Variants in CNKSR2 observed in about 807,000 individuals in gnomAD.
The protein encoded by CNKSR2 is CNK homolog protein 2.
CNKSR2 carries 14 observed loss-of-function variants against 84.4 expected under a neutral mutation model. The ratio of observed to expected loss-of-function variants is 0.17; its 90% CI spans 0.11 to 0.26. The LOEUF is 0.26. CNKSR2 is among the 10% of genes least tolerant of loss of function. The pLI, the probability that CNKSR2 is intolerant of heterozygous loss-of-function variation, is 1.00. For missense variants in CNKSR2, 485 were observed against 771.2 expected (o/e 0.63, Z 4.40); for synonymous variants, 275 against 277.9 (o/e 0.99, Z 0.10).
intron 19 of CNKSR2, 36 bp from the exon 20 acceptor site, chrX:21,609,035 T>C (rs1336197394): frequency 4.3e-6 from 5 of 1,164,540 alleles, no homozygotes; most frequent in Non-Finnish European, 5.7e-6. Flanking sequence ...TGGTCTGTTA[T>C]TTTGGCACAG....
intron 1 of CNKSR2, among the ~76,000 whole-genome samples, chrX:21,399,092 GTATT>G (rs765913849): frequency 1.8e-3 from 201 of 110,373 alleles, no homozygotes; most frequent in Non-Finnish European, 2.7e-3. Context: ...TATATCTAAA[GTATT>G]TATGCAATTA....
At chrX:21,406,775 G>A (rs2090269921) in intron 1 of CNKSR2, among the ~76,000 whole-genome samples, 1 of 111,462 alleles carries the variant, frequency 9.0e-6, no homozygotes, top group Non-Finnish European at 1.9e-5. Flanking sequence ...TTAGTTTGTA[G>A]AAATCATGAT....
intron 13 of CNKSR2, among the ~76,000 whole-genome samples, chrX:21,563,685 G>A (rs774785620): frequency 6.6e-4 from 74 of 111,599 alleles, no homozygotes; most frequent in Non-Finnish European, 3.6e-4. Context: ...AACTTAATAT[G>A]CACAAAATTG....
chrX:21,474,843 T>G (rs1281191292), intron 5 of CNKSR2, among the ~76,000 whole-genome samples: 1 of 111,943 alleles, frequency 8.9e-6, no homozygotes, highest in Non-Finnish European at 1.9e-5. Context: ...AACATAACTT[T>G]TGTGTAAAAA....
At chrX:21,409,797 C>T (rs1000209380) in intron 1 of CNKSR2, among the ~76,000 whole-genome samples, 1 of 110,609 alleles carries the variant, frequency 9.0e-6, no homozygotes, top group African/African-American at 3.3e-5. Context: ...TCTAAGTATC[C>T]ATAAAACATG....
intron 21 of CNKSR2, among the ~76,000 whole-genome samples, chrX:21,652,024 G>C (rs1374161160): frequency 2.7e-5 from 3 of 112,194 alleles, no homozygotes; most frequent in African/African-American, 9.7e-5. Context: ...GAAGAAATGA[G>C]AGGCTTTTGA....
At chrX:21,599,171 G>A (rs1162032695) in intron 17 of CNKSR2, among the ~76,000 whole-genome samples, 2 of 112,145 alleles carry the variant, frequency 1.8e-5, no homozygotes, top group Admixed American at 1.9e-4. Flanking sequence ...ATTTATTTCC[G>A]TATCCCTAAA....
At chrX:21,512,423 G>T (rs1019687757) in intron 8 of CNKSR2, among the ~76,000 whole-genome samples, 3 of 111,886 alleles carry the variant, frequency 2.7e-5, no homozygotes, top group Non-Finnish European at 5.6e-5. Flanking sequence ...AGTAATCTGA[G>T]AAAAAGCTGT....
chrX:21,518,584 A>C (rs2091752089), intron 9 of CNKSR2, among the ~76,000 whole-genome samples: 1 of 111,635 alleles, frequency 9.0e-6, no homozygotes, highest in South Asian at 3.7e-4. Context: ...AAATAATTGA[A>C]AGACCAACTT....
intron 11 of CNKSR2, 21 bp downstream of exon 11, chrX:21,532,088 T>A: frequency 9.3e-7 from 1 of 1,077,824 alleles, no homozygotes; most frequent in Non-Finnish European, 1.3e-6. Flanking sequence ...TTCTTTTATG[T>A]TTATATAAGA....
chrX:21,518,582 G>A (rs990920541), intron 9 of CNKSR2, among the ~76,000 whole-genome samples: 1 of 111,327 alleles, frequency 9.0e-6, no homozygotes, highest in Non-Finnish European at 1.9e-5. Context: ...TAAAATAATT[G>A]AAAGACCAAC....
intron 20 of CNKSR2, chrX:21,641,825 C>T (rs2092692538): frequency 8.4e-6 from 8 of 949,769 alleles, no homozygotes; most frequent in South Asian, 4.3e-5. Flanking sequence ...AAGAAGAATG[C>T]GAGCTTTCTA....
chrX:21,387,939 G>A (rs1342813836), intron 1 of CNKSR2, among the ~76,000 whole-genome samples: 3 of 109,762 alleles, frequency 2.7e-5, no homozygotes, highest in Non-Finnish European at 5.7e-5. Flanking sequence ...TCGCTCTGTC[G>A]CCCAGGCTGA....
intron 11 of CNKSR2, among the ~76,000 whole-genome samples, chrX:21,548,180 T>C (rs763741992): frequency 1.8e-5 from 2 of 111,079 alleles, no homozygotes; most frequent in East Asian, 5.6e-4. Context: ...CTAGCCAGAC[T>C]AATAAGGAAA....
intron 3 of CNKSR2, among the ~76,000 whole-genome samples, chrX:21,438,207 C>T (rs767388487): frequency 8.9e-6 from 1 of 111,851 alleles, no homozygotes; most frequent in South Asian, 3.7e-4. Context: ...CCTGTTGCTC[C>T]TAGGCTAGAA....
At chrX:21,479,271 A>G (rs1317943211) in intron 5 of CNKSR2, among the ~76,000 whole-genome samples, 1 of 111,534 alleles carries the variant, frequency 9.0e-6, no homozygotes, top group Non-Finnish European at 1.9e-5. Flanking sequence ...GTAGTATTCC[A>G]TGGTGTGTGT....
intron 9 of CNKSR2, among the ~76,000 whole-genome samples, chrX:21,519,682 T>G (rs775918805): frequency 9.0e-6 from 1 of 111,226 alleles, no homozygotes; most frequent in South Asian, 3.7e-4. Context: ...TTATTTAGAA[T>G]AGAGGATACA....
chrX:21,618,509 A>T (rs1286928903), intron 20 of CNKSR2, among the ~76,000 whole-genome samples: 1 of 112,188 alleles, frequency 8.9e-6, no homozygotes, highest in Non-Finnish European at 1.9e-5. Context: ...AATTTTGTAT[A>T]TTTTTGTTTT....
intron 17 of CNKSR2, among the ~76,000 whole-genome samples, 161 bp from the exon 18 acceptor site, chrX:21,601,121 G>A (rs2092479104): frequency 8.9e-6 from 1 of 111,841 alleles, no homozygotes; most frequent in African/African-American, 3.2e-5. Flanking sequence ...ATAGCAAATT[G>A]TATCTCATTA....
Sources: allele counts gnomAD v4.1 joint callset (sites outside exome capture counted in the v4.1 genomes callset), GRCh38; gene constraint gnomAD v4.1.1; transcripts MANE v1.5; gene names NCBI Gene and HGNC (gene_info 2026-07-23, HGNC 2026-07-21).